Variants in ZDHHC14 observed in about 807,000 individuals in gnomAD.
ZDHHC14 encodes the protein zDHHC palmitoyltransferase 14, also known as palmitoyltransferase ZDHHC14.
A neutral mutation model predicts 47.7 loss-of-function variants in ZDHHC14; 16 were observed. That is an observed-to-expected ratio of 0.34 (90% CI 0.23 to 0.51). The LOEUF (loss-of-function observed/expected upper bound fraction) is 0.51. Ranked by LOEUF, ZDHHC14 falls within the 20% of genes least tolerant of loss-of-function variation. The pLI is 0.97. For missense variants in ZDHHC14, 515 were observed against 662.5 expected, an observed-to-expected ratio of 0.78 and a Z score of 2.44; for synonymous variants, 293 against 278.9, an observed-to-expected ratio of 1.05 and a Z score of -0.50.
At chr6:157,405,286 G>A (rs938557888) in intron 1 of ZDHHC14, among the ~76,000 whole-genome samples, 6 of 152,150 alleles carry the variant, frequency 3.9e-5, no homozygotes, top group Admixed American at 1.3e-4. Context: ...AGGCTGGAAT[G>A]CAGTGGCGCG....
intron 1 of ZDHHC14, among the ~76,000 whole-genome samples, chr6:157,445,239 G>A (rs76421637): frequency 0.16 from 23,957 of 151,748 alleles, 2,187 homozygotes; most frequent in Middle Eastern, 0.26. Flanking sequence ...AATTATTGGA[G>A]ATAAATGAAT....
chr6:157,463,569 C>T lies in ZDHHC14; in HGVS notation c.246-79016C>T, dbSNP rs112349913. Among the ~76,000 whole-genome samples, 281 of 152,300 alleles carry T rather than the reference C, an allele frequency of 1.8e-3. 2 individuals are homozygous for T. Among genetic ancestry groups the T allele is most frequent in the African/African-American group, 6.2e-3 (256 of 41,542 alleles). On this transcript the variant is annotated intron_variant, in intron 1 of 8. Coordinates refer to ENST00000359775, the MANE Select transcript of ZDHHC14 (RefSeq NM_024630.3). This position sits in a 1 kb window ranked among gnomAD's most constrained non-coding sequence, Gnocchi z 4.4. ...AGAATCATCAGAAAGGAATGTAAGA[C>T]AGCAGCTCCATCCAGTATTCCCACC...
intron 2 of ZDHHC14, among the ~76,000 whole-genome samples, chr6:157,581,572 A>G (rs1277630639): frequency 6.6e-6 from 1 of 152,110 alleles, no homozygotes; most frequent in African/African-American, 2.4e-5. Context: ...GTGGGTCTCT[A>G]ACAGCTTGCT....
At position 157,582,344 on chromosome 6, in the gene ZDHHC14, C is replaced by T. The variant is rs1303554151; in HGVS notation, c.407-10644C>T. Among the ~76,000 whole-genome samples, 1 of 152,168 alleles carries T rather than the reference C, an allele frequency of 6.6e-6. No individual in the cohort carries two copies. The highest frequency in any genetic ancestry group is 1.5e-5 in the Non-Finnish European group (1 of 68,040). On this transcript the variant is annotated intron_variant, in intron 2 of 8. Coordinates refer to ENST00000359775, the MANE Select transcript of ZDHHC14 (RefSeq NM_024630.3). The surrounding 1 kb of genome is among the most constrained non-coding windows in gnomAD (Gnocchi z 4.3). ...CTTTATAGAGTCACCAGTCTGTGTA[C>T]TTGAGTGTGTTTTTGTAGTGGCTGG...
chr6:157,488,045 T>A (rs1779825491), intron 1 of ZDHHC14, among the ~76,000 whole-genome samples: 1 of 152,074 alleles, frequency 6.6e-6, no homozygotes. Flanking sequence ...GCAGCCCAGG[T>A]GGGACCTGAG....
At position 157,427,857 on chromosome 6, in the gene ZDHHC14, T is replaced by C. The variant is rs1035062861; in HGVS notation, c.245+45591T>C. Among the ~76,000 whole-genome samples the C allele has an allele frequency of 7.9e-5, 12 of 152,132 alleles. No homozygotes were observed. The highest frequency in any genetic ancestry group is 2.9e-4 in the African/African-American group (12 of 41,424). ...CCCAAGGACAATGGAATGGTGGGGC[T>C]CTAGTCTTCATCTTTTCTCAGTAAC... On this transcript the variant is annotated intron_variant, in intron 1 of 8. Transcript: ENST00000359775. The surrounding 1 kb of genome is among the most constrained non-coding windows in gnomAD (Gnocchi z 4.4).
At chr6:157,496,244 G>A (rs1042068030) in intron 1 of ZDHHC14, among the ~76,000 whole-genome samples, 1 of 152,060 alleles carries the variant, frequency 6.6e-6, no homozygotes, top group African/African-American at 2.4e-5. Context: ...AGTGAAGCAC[G>A]GTGGTCCCAC....
chr6:157,523,731 A>G (rs796290049), intron 1 of ZDHHC14, among the ~76,000 whole-genome samples: 12 of 150,658 alleles, frequency 8.0e-5, no homozygotes, highest in African/African-American at 2.9e-4. Context: ...GCTTATACAA[A>G]AAAAAAAAAA....
chr6:157,639,248 C>T (rs180749131), intron 5 of ZDHHC14, among the ~76,000 whole-genome samples: 3 of 152,332 alleles, frequency 2.0e-5, no homozygotes, highest in African/African-American at 7.2e-5. Flanking sequence ...TGCATGCTGG[C>T]AGGTAAATGA....
chr6:157,401,270 G>A (rs903789211), intron 1 of ZDHHC14, among the ~76,000 whole-genome samples: 1 of 152,134 alleles, frequency 6.6e-6, no homozygotes, highest in Non-Finnish European at 1.5e-5. Flanking sequence ...ATAAAAATAT[G>A]TCAAAATAGG....
At chr6:157,514,820 C>A (rs1780621961) in intron 1 of ZDHHC14, among the ~76,000 whole-genome samples, 1 of 152,174 alleles carries the variant, frequency 6.6e-6, no homozygotes, top group Admixed American at 6.5e-5. Context: ...ACCAAGCCAA[C>A]AAGGAACCCA....
chr6:157,411,979 C>T (rs1777879374), intron 1 of ZDHHC14, among the ~76,000 whole-genome samples: 1 of 151,630 alleles, frequency 6.6e-6, no homozygotes, highest in South Asian at 2.1e-4. Flanking sequence ...CGCTCTGTCA[C>T]CCAGGCTGGA....
chr6:157,615,471 A>C (rs1008883653), intron 3 of ZDHHC14, among the ~76,000 whole-genome samples: 1 of 152,142 alleles, frequency 6.6e-6, no homozygotes, highest in Admixed American at 6.5e-5. Context: ...GCACTTCCTC[A>C]TTGTGTGAAA....
At chr6:157,438,140 C>A (rs1385462410) in intron 1 of ZDHHC14, among the ~76,000 whole-genome samples, 1 of 151,270 alleles carries the variant, frequency 6.6e-6, no homozygotes, top group African/African-American at 2.4e-5. Flanking sequence ...TCTAAATCTT[C>A]AAAAAAAATG....
chr6:157,542,483 AG>A, intron 1 of ZDHHC14, 101 bp from the exon 2 acceptor site: 2 of 1,426,048 alleles, frequency 1.4e-6, no homozygotes. Flanking sequence ...CCTCCAAATA[AG>A]CTTTTGATTT....
intron 1 of ZDHHC14, among the ~76,000 whole-genome samples, chr6:157,504,563 A>G (rs1780274685): frequency 7.0e-6 from 1 of 142,816 alleles, no homozygotes; most frequent in African/African-American, 2.7e-5. Flanking sequence ...AGCACCCACC[A>G]CCACACCTGG....
At chr6:157,477,692 A>C (rs1469522748) in intron 1 of ZDHHC14, among the ~76,000 whole-genome samples, 1 of 152,202 alleles carries the variant, frequency 6.6e-6, no homozygotes, top group Admixed American at 6.5e-5. Flanking sequence ...GATGGGTTAC[A>C]ATAATTATTT....
At chr6:157,518,635 C>T (rs1780790091) in intron 1 of ZDHHC14, among the ~76,000 whole-genome samples, 1 of 148,014 alleles carries the variant, frequency 6.8e-6, no homozygotes, top group Non-Finnish European at 1.5e-5. Context: ...CCGCCTTTCC[C>T]ACCCTCCCTC....
chr6:157,471,030 C>G (rs1266465844), intron 1 of ZDHHC14, among the ~76,000 whole-genome samples: 1 of 152,164 alleles, frequency 6.6e-6, no homozygotes, highest in African/African-American at 2.4e-5. Flanking sequence ...CCAGGTCAGT[C>G]TCTCCCAGGG....
Sources: allele counts gnomAD v4.1 joint callset (sites outside exome capture counted in the v4.1 genomes callset), GRCh38; gene constraint gnomAD v4.1.1; non-coding constraint Gnocchi (gnomAD v3.1); transcripts MANE v1.5; gene names NCBI Gene and HGNC (gene_info 2026-07-23, HGNC 2026-07-21).